Variants in MPZL1 observed in about 807,000 individuals in gnomAD.
MPZL1 encodes myelin protein zero-like protein 1.
Under a neutral mutation model 29.3 loss-of-function variants are expected in MPZL1, and 16 were observed. That is an observed-to-expected ratio of 0.55 (90% CI 0.37 to 0.83). The LOEUF (loss-of-function observed/expected upper bound fraction) is 0.83, where lower values mean the gene tolerates loss of function less well. Ranked by LOEUF, MPZL1 falls within the 40% of genes least tolerant of loss-of-function variation. The probability of loss-of-function intolerance (pLI) is 0.00; values close to 1 mark genes in which losing one functional copy is unlikely to be tolerated. For missense variants in MPZL1, 279 were observed against 332.9 expected, an observed-to-expected ratio of 0.84 and a Z score of 1.26; for synonymous variants, 143 against 132.0, an observed-to-expected ratio of 1.08 and a Z score of -0.57.
chr1:167,751,549 TAA>T (rs1401586712), intron 1 of MPZL1, among the ~76,000 whole-genome samples: 4 of 151,460 alleles, frequency 2.6e-5, no homozygotes, highest in Non-Finnish European at 5.9e-5. Context: ...CTCGCGCCTG[TAA>T]TCCCAGCTAC....
At chr1:167,773,683 C>T (rs1661299774) in intron 4 of MPZL1, 1 of 184,266 alleles carries the variant, frequency 5.4e-6, no homozygotes, top group African/African-American at 2.3e-5. Flanking sequence ...ACATCACTTA[C>T]CCAATTTAAG....
At position 167,738,782 on chromosome 1, in the gene MPZL1, G is replaced by T. The variant is rs574248989; in HGVS notation, c.91+16540G>T. 4.0e-4 allele frequency among the ~76,000 whole-genome samples: 61 copies of T among 152,204 alleles called. 1 individual carries two copies. The highest frequency in any genetic ancestry group is 3.4e-3 in the Middle Eastern group (1 of 294). ...TCCCCATTCACCTTCTGCCATGATT[G>T]TAAGTTTCCTGAGGCCTCCCCAGAA... On this transcript the variant is annotated intron_variant, in intron 1 of 5. Coordinates refer to ENST00000359523, the MANE Select transcript of MPZL1 (RefSeq NM_003953.6).
At chr1:167,739,288 T>TATATATATATATATATAC (rs1660459530) in intron 1 of MPZL1, among the ~76,000 whole-genome samples, 1 of 108,306 alleles carries the variant, frequency 9.2e-6, no homozygotes, top group African/African-American at 5.9e-5. Context: ...TATACATATA[T>TATATATATATATATATAC]ATATATATAT....
At chr1:167,785,207 G>C (rs182972317) in intron 5 of MPZL1, among the ~76,000 whole-genome samples, 1 of 152,228 alleles carries the variant, frequency 6.6e-6, no homozygotes, top group Non-Finnish European at 1.5e-5. Flanking sequence ...TTGTGCATCT[G>C]CAGTTGGCTA....
At chr1:167,739,984 C>A (rs568059290) in intron 1 of MPZL1, among the ~76,000 whole-genome samples, 3 of 152,136 alleles carry the variant, frequency 2.0e-5, no homozygotes, top group Non-Finnish European at 2.9e-5. Context: ...TTCCCTCTCC[C>A]GCTCCAACTT....
At chr1:167,741,203 T>TC (rs1558111460) in intron 1 of MPZL1, among the ~76,000 whole-genome samples, 1 of 139,922 alleles carries the variant, frequency 7.1e-6, no homozygotes, top group East Asian at 2.2e-4. Context: ...TTTTTTTTTT[T>TC]AGAGATGGGG....
chr1:167,771,723 T>C (rs1661253552), intron 2 of MPZL1, among the ~76,000 whole-genome samples: 1 of 151,344 alleles, frequency 6.6e-6, no homozygotes, highest in African/African-American at 2.4e-5. Flanking sequence ...CTAGATGGGG[T>C]GGCAGCTGGG....
chr1:167,748,224 G>A (rs1660686971), intron 1 of MPZL1, among the ~76,000 whole-genome samples: 1 of 152,114 alleles, frequency 6.6e-6, no homozygotes, highest in Non-Finnish European at 1.5e-5. Flanking sequence ...CTGCCAAACT[G>A]TTTTTCAAAA....
chr1:167,778,677 C>G (rs1661423827), intron 5 of MPZL1, among the ~76,000 whole-genome samples: 1 of 151,472 alleles, frequency 6.6e-6, no homozygotes, highest in African/African-American at 2.4e-5. Flanking sequence ...AAACAAAGAC[C>G]TTAAAATGAG....
At chr1:167,784,587 A>T (rs1477827005) in intron 5 of MPZL1, among the ~76,000 whole-genome samples, 1 of 152,120 alleles carries the variant, frequency 6.6e-6, no homozygotes, top group Admixed American at 6.6e-5. Flanking sequence ...TTCCATAGAG[A>T]CTCAGGGCTC....
In MPZL1 at chr1:167,722,220, G is replaced by T; in HGVS notation, c.69G>T (p.Val23=). ...ACAGCCGGCGCTGGCTGTGGTCGGTGCTGGCGGCGGCGCTTGGGCTCTGTA... is the reference window on the plus strand; with the variant it reads ...ACAGCCGGCGCTGGCTGTGGTCGGTTCTGGCGGCGGCGCTTGGGCTCTGTA... ...APDSRRWLWS[V]LAAALGLLTA... Residue 23 remains valine, a synonymous_variant, in exon 1 of 6, where the codon GTG becomes GTT. Transcript: ENST00000359523. The T allele has an allele frequency of 8.1e-7, 1 of 1,239,566 alleles. No homozygotes were observed. The allele number at this position is 1,239,566 out of a possible 1,614,324, so 76.8% of individuals were successfully genotyped here. A position where few individuals can be genotyped will look rare whatever the true frequency, so the allele number is the denominator to read the frequency against.
In MPZL1 at chr1:167,772,306, T is replaced by C; in HGVS notation, c.290T>C (p.Leu97Pro). 1 of 1,613,950 alleles carries C rather than the reference T, an allele frequency of 6.2e-7. No individual in the cohort carries two copies. Among genetic ancestry groups the C allele is most frequent in the Non-Finnish European group, 8.5e-7 (1 of 1,179,818 alleles). Reference sequence around the variant, plus strand: ...CACTACTCCCAAGGGCAAGTGTACCTTGGGAATTATCCACCATTTAAAGAC... The same window carrying C: ...CACTACTCCCAAGGGCAAGTGTACCCTGGGAATTATCCACCATTTAAAGAC... ...FFHYSQGQVY[L>P]GNYPPFKDRI... Residue 97 changes from leucine (L) to proline (P), a missense_variant, in exon 3 of 6, where the codon CTT becomes CCT. Leu to Pro is a moderately conservative substitution (Grantham distance 98). Coordinates refer to ENST00000359523, the MANE Select transcript of MPZL1 (RefSeq NM_003953.6).
chr1:167,732,051 C>T (rs796916593), intron 1 of MPZL1, among the ~76,000 whole-genome samples: 9 of 152,176 alleles, frequency 5.9e-5, no homozygotes, highest in African/African-American at 7.2e-5. Flanking sequence ...TATTTTTCAC[C>T]GCAGAGATAT....
intron 5 of MPZL1, among the ~76,000 whole-genome samples, chr1:167,780,269 T>C (rs986265783): frequency 6.6e-6 from 1 of 152,194 alleles, no homozygotes; most frequent in Non-Finnish European, 1.5e-5. Flanking sequence ...TGTATTACTA[T>C]AAATGGGCTG....
rs150906954 is a variant in MPZL1, at chr1:167,776,108, G to A, written c.650G>A (p.Arg217Gln). 12 of 1,612,408 alleles carry A rather than the reference G, an allele frequency of 7.4e-6. No homozygotes were observed. The highest frequency in any genetic ancestry group is 2.2e-5 in the East Asian group (1 of 44,712). The change falls in exon 5 of 6, where the codon CGG (arginine) becomes CAG (glutamine). Residue 217 changes from arginine to glutamine, a missense_variant. Physicochemically the swap from Arg to Gln is conservative, Grantham distance 43. Transcript: ENST00000359523. ...TTGTCACCAGTTAAGCAGGCTCCTC[G>A]GAAGTCCCCCTCCGACACTGAGGGT... is the stretch of plus-strand genomic sequence containing the variant. ...ESLSPVKQAPRKSPSDTEGLV... is the reference protein window; with the variant it reads ...ESLSPVKQAPQKSPSDTEGLV...
At chr1:167,732,065 T>C (rs576225131) in intron 1 of MPZL1, among the ~76,000 whole-genome samples, 1 of 152,368 alleles carries the variant, frequency 6.6e-6, no homozygotes, top group African/African-American at 2.4e-5. Flanking sequence ...GAGATATTAA[T>C]GTGTTTGATT....
intron 1 of MPZL1, 101 bp downstream of exon 1, chr1:167,722,343 C>G: frequency 8.2e-7 from 1 of 1,226,756 alleles, no homozygotes; most frequent in Non-Finnish European, 1.0e-6. Context: ...GCACTGAGAG[C>G]CGAGGTGGGG....
chr1:167,736,986 G>T (rs966176888), intron 1 of MPZL1, among the ~76,000 whole-genome samples: 4 of 152,110 alleles, frequency 2.6e-5, no homozygotes, highest in Non-Finnish European at 5.9e-5. Flanking sequence ...TTGAATTCGT[G>T]TATGATATTT....
chr1:167,739,262 C>CATACATATATACATAT (rs1236250495), intron 1 of MPZL1, among the ~76,000 whole-genome samples: 2 of 120,290 alleles, frequency 1.7e-5, no homozygotes, highest in Non-Finnish European at 3.3e-5. Context: ...AATACATACA[C>CATACATATATACATAT]ATACATATAT....
Sources: gnomAD v4.1 joint callset for allele counts (sites outside exome capture counted in the v4.1 genomes callset) on GRCh38, gnomAD v4.1.1 for gene constraint, MANE v1.5 for transcripts, NCBI Gene and HGNC (gene_info 2026-07-23, HGNC 2026-07-21) for gene names.